Variants in ERC2 observed in about 807,000 individuals in gnomAD.
ERC2 encodes the protein ELKS/RAB6-interacting/CAST family member 2.
Under a neutral mutation model 114.8 loss-of-function variants are expected in ERC2, and 42 were observed. That is an observed-to-expected ratio of 0.37 (90% CI 0.29 to 0.47). The LOEUF (loss-of-function observed/expected upper bound fraction) is 0.47. Ranked by LOEUF, ERC2 falls within the 20% of genes least tolerant of loss-of-function variation. The pLI is 0.99. For synonymous variants in ERC2, 454 were observed against 425.5 expected (o/e 1.07, Z -0.82); for missense variants, 939 against 1,150.7 (o/e 0.82, Z 2.66).
chr3:55,832,430 C>A (rs577206617), intron 14 of ERC2, among the ~76,000 whole-genome samples: 2 of 152,238 alleles, frequency 1.3e-5, no homozygotes, highest in Non-Finnish European at 2.9e-5. Flanking sequence ...AACGATCAGA[C>A]AGCAGCATTC....
chr3:56,355,287 T>TTC (rs1271273937), intron 2 of ERC2, among the ~76,000 whole-genome samples: 2 of 151,346 alleles, frequency 1.3e-5, no homozygotes, highest in Non-Finnish European at 2.9e-5. Context: ...TATTTCACCT[T>TTC]TTTTTTTCTT....
rs555616582 is a variant in ERC2 at position 56,330,309 on chromosome 3, G to A, written c.658-33874C>T. 2.0e-3 allele frequency among the ~76,000 whole-genome samples: 308 copies of A among 152,290 alleles called. 4 individuals carry two copies. The highest frequency in any genetic ancestry group is 5.6e-3 in the South Asian group (27 of 4,822). ...CTGCCTCAGCCTCCCAAAGTGCTGAGATTATAGGCATGAGCCACCATACAG... is the reference window on the plus strand; with the variant it reads ...CTGCCTCAGCCTCCCAAAGTGCTGAAATTATAGGCATGAGCCACCATACAG... On this transcript the variant is annotated intron_variant, in intron 2 of 17. Coordinates refer to ENST00000288221, the MANE Select transcript of ERC2 (RefSeq NM_015576.3).
chr3:56,102,274 C>G (rs2078403827), intron 6 of ERC2, among the ~76,000 whole-genome samples: 1 of 152,180 alleles, frequency 6.6e-6, no homozygotes, highest in African/African-American at 2.4e-5. Flanking sequence ...TTAGCTCCCA[C>G]CCAAGACTGC....
At chr3:56,234,051 T>A (rs994700069) in intron 3 of ERC2, among the ~76,000 whole-genome samples, 1 of 152,208 alleles carries the variant, frequency 6.6e-6, no homozygotes, top group Admixed American at 6.5e-5. Context: ...GATGTCCTCA[T>A]CTTTAGGGAG....
At chr3:55,673,804 G>GTTT (rs10575865) in intron 17 of ERC2, among the ~76,000 whole-genome samples, 1 of 113,774 alleles carries the variant, frequency 8.8e-6, no homozygotes. Flanking sequence ...TAATTACCAA[G>GTTT]TTTTTTTTTT....
chr3:56,154,842 G>A (rs1414490820), intron 4 of ERC2, among the ~76,000 whole-genome samples: 1 of 152,136 alleles, frequency 6.6e-6, no homozygotes, highest in African/African-American at 2.4e-5. Flanking sequence ...CTAAGAGAGT[G>A]AAAAGTTGTC....
intron 3 of ERC2, among the ~76,000 whole-genome samples, chr3:56,281,599 C>T (rs2054353739): frequency 1.3e-5 from 2 of 152,088 alleles, no homozygotes; most frequent in African/African-American, 4.8e-5. Context: ...AGGGAATGCA[C>T]AGTCTTGAGA....
At chr3:55,598,586 G>A (rs2058256508) in intron 17 of ERC2, among the ~76,000 whole-genome samples, 3 of 152,336 alleles carry the variant, frequency 2.0e-5, no homozygotes, top group South Asian at 4.1e-4. Context: ...AGCTTTGCTC[G>A]AGAAACTGGT....
intron 13 of ERC2, among the ~76,000 whole-genome samples, chr3:55,888,847 C>G (rs1171591585): frequency 6.6e-6 from 1 of 152,142 alleles, no homozygotes; most frequent in East Asian, 1.9e-4. Context: ...CAAAATCTCA[C>G]AAATCACCAC....
chr3:56,326,022 T>C (rs142776326), intron 2 of ERC2, among the ~76,000 whole-genome samples: 157 of 152,324 alleles, frequency 1.0e-3, no homozygotes, highest in Middle Eastern at 3.4e-3. Context: ...CCAAGCTCCA[T>C]GTCACGTGGC....
chr3:56,315,450 T>C (rs2056818849), intron 2 of ERC2, among the ~76,000 whole-genome samples: 1 of 152,338 alleles, frequency 6.6e-6, no homozygotes. Context: ...ATAAGATCTC[T>C]TGATACCAAT....
chr3:56,154,618 T>C (rs1328106901), intron 4 of ERC2, among the ~76,000 whole-genome samples: 3 of 152,168 alleles, frequency 2.0e-5, no homozygotes, highest in African/African-American at 4.8e-5. Flanking sequence ...TAATTTGTTC[T>C]TGTTGTTAAT....
At chr3:56,146,300 A>C (rs2081131629) in intron 5 of ERC2, among the ~76,000 whole-genome samples, 1 of 151,900 alleles carries the variant, frequency 6.6e-6, no homozygotes, top group Non-Finnish European at 1.5e-5. Context: ...ACAAACGAAC[A>C]AAAAAAACCA....
chr3:56,396,793 T>G, intron 2 of ERC2, among the ~76,000 whole-genome samples: 1 of 152,138 alleles, frequency 6.6e-6, no homozygotes, highest in East Asian at 1.9e-4. Flanking sequence ...CTTTGTGTGG[T>G]TCACTGAAGC....
rs181123746 is a variant in ERC2 at position 56,281,166 on chromosome 3, G to A, written c.1074+14853C>T. Among the ~76,000 whole-genome samples the A allele has an allele frequency of 2.6e-5, 4 of 152,216 alleles. No individual in the cohort carries two copies. The East Asian group carries it at 5.8e-4, about 22-fold the overall frequency. On this transcript the variant is annotated intron_variant, in intron 3 of 17. Transcript: ENST00000288221. ...AAAGTATAGAGGACAGGCCGGGCAC[G>A]GTGGCTCACGCCTGTAATCCCAGCA...
At chr3:55,853,568 A>G (rs2061664861) in intron 14 of ERC2, among the ~76,000 whole-genome samples, 1 of 152,164 alleles carries the variant, frequency 6.6e-6, no homozygotes, top group South Asian at 2.1e-4. Flanking sequence ...GCACTCAGGA[A>G]ATATAAGTAT....
At chr3:55,615,256 G>A (rs780971303) in intron 17 of ERC2, among the ~76,000 whole-genome samples, 1 of 152,152 alleles carries the variant, frequency 6.6e-6, no homozygotes, top group African/African-American at 2.4e-5. Flanking sequence ...AAAATACCCA[G>A]AGCCTGTGTA....
At chr3:55,783,169 A>C (rs2069197625) in intron 14 of ERC2, among the ~76,000 whole-genome samples, 1 of 152,166 alleles carries the variant, frequency 6.6e-6, no homozygotes, top group Admixed American at 6.5e-5. Flanking sequence ...TGAAATGAAT[A>C]ATTTAGGTTT....
intron 3 of ERC2, among the ~76,000 whole-genome samples, chr3:56,270,155 G>A (rs1276961756): frequency 6.6e-6 from 1 of 150,710 alleles, no homozygotes; most frequent in African/African-American, 2.5e-5. Flanking sequence ...TTCCAATGAG[G>A]GCACAAGAGC....
Sources: allele counts gnomAD v4.1 joint callset (sites outside exome capture counted in the v4.1 genomes callset), GRCh38; gene constraint gnomAD v4.1.1; transcripts MANE v1.5; gene names NCBI Gene and HGNC (gene_info 2026-07-23, HGNC 2026-07-21).